SLC24A4: variants seen among roughly 807,000 people sequenced by gnomAD.
SLC24A4 encodes solute carrier family 24 member 4, also known as sodium/potassium/calcium exchanger 4.
SLC24A4 carries 53 observed loss-of-function variants against 79.0 expected under a neutral mutation model. That is an observed-to-expected ratio of 0.67 (90% CI 0.54 to 0.84). The LOEUF (loss-of-function observed/expected upper bound fraction) is 0.84. Ranked by LOEUF, SLC24A4 falls within the 40% of genes least tolerant of loss-of-function variation. The pLI is 0.00. For synonymous variants in SLC24A4, 323 were observed against 323.8 expected, an observed-to-expected ratio of 1.00 and a Z score of 0.03; for missense variants, 731 against 822.0, an observed-to-expected ratio of 0.89 and a Z score of 1.35.
chr14:92,337,240 A>G (rs1366486887), intron 2 of SLC24A4, among the ~76,000 whole-genome samples: 1 of 152,182 alleles, frequency 6.6e-6, no homozygotes, highest in Non-Finnish European at 1.5e-5. Context: ...TGCTTGGCTC[A>G]GTATTAGCTC....
At position 92,447,436 on chromosome 14, in the gene SLC24A4, T is replaced by G. The variant is rs372081304; in HGVS notation, c.737+12T>G. The stretch of plus-strand genomic sequence containing the variant: ...ATTCTGATCATGAAGTAAGTGCCCT[T>G]TCTCCTCCCCGGGGCTGCCGACGCC... On this transcript the variant is annotated intron_variant, in intron 9 of 16. Coordinates refer to ENST00000532405, the MANE Select transcript of SLC24A4 (RefSeq NM_153646.4). 2.1e-5 allele frequency: 34 copies of G among 1,613,746 alleles called. No homozygotes were observed. The Admixed American group carries it at 2.7e-4, about 13-fold the overall frequency.
At chr14:92,366,565 T>C (rs1887849924) in intron 2 of SLC24A4, among the ~76,000 whole-genome samples, 2 of 152,194 alleles carry the variant, frequency 1.3e-5, no homozygotes, top group South Asian at 4.1e-4. Flanking sequence ...TGCCAGTTCA[T>C]TGCTGAGGGT....
intron 2 of SLC24A4, among the ~76,000 whole-genome samples, chr14:92,415,657 C>T (rs191133490): frequency 4.3e-4 from 66 of 152,192 alleles, no homozygotes; most frequent in African/African-American, 1.5e-3. Context: ...GGGGTTTCAC[C>T]ATATTGGCCA....
chr14:92,344,223 C>T (rs951737130), intron 2 of SLC24A4, among the ~76,000 whole-genome samples: 31 of 152,320 alleles, frequency 2.0e-4, no homozygotes, highest in East Asian at 1.4e-3. Context: ...CAGCTCTTGC[C>T]GTTTTCCTTT....
intron 2 of SLC24A4, among the ~76,000 whole-genome samples, chr14:92,386,399 A>G (rs993389158): frequency 1.3e-5 from 2 of 152,072 alleles, no homozygotes; most frequent in Non-Finnish European, 2.9e-5. Flanking sequence ...ACTTATTAGA[A>G]TGCACATAAA....
In SLC24A4 at chr14:92,449,308, AC is replaced by A; in HGVS notation, c.880+93del. 4 of 1,299,804 alleles carry A rather than the reference AC, an allele frequency of 3.1e-6. No individual in the cohort carries two copies. In the Admixed American group the frequency reaches 8.7e-5, roughly 28 times the overall value. The allele number at this position is 1,299,804 out of a possible 1,614,324, so 80.5% of individuals were successfully genotyped here. A position where few individuals can be genotyped will look rare whatever the true frequency, so the allele number is the denominator to read the frequency against. ...CACACACACACACACACACACACAC[AC>A]ACACACACACACACCCTCTCACAAT... On this transcript the variant is annotated intron_variant, in intron 10 of 16. Coordinates refer to ENST00000532405, the MANE Select transcript of SLC24A4 (RefSeq NM_153646.4).
At chr14:92,475,998 TG>T (rs1209152797) in intron 12 of SLC24A4, among the ~76,000 whole-genome samples, 1 of 152,002 alleles carries the variant, frequency 6.6e-6, no homozygotes, top group African/African-American at 2.4e-5. Flanking sequence ...GCCACGTGGG[TG>T]GGGCCAGATG....
At chr14:92,349,267 A>G (rs1427540005) in intron 2 of SLC24A4, among the ~76,000 whole-genome samples, 1 of 151,676 alleles carries the variant, frequency 6.6e-6, no homozygotes, top group African/African-American at 2.4e-5. Flanking sequence ...TCAAGCAATT[A>G]CCCTGCCTCA....
intron 13 of SLC24A4, among the ~76,000 whole-genome samples, chr14:92,483,389 G>T (rs1349802777): frequency 6.6e-6 from 1 of 152,184 alleles, no homozygotes; most frequent in African/African-American, 2.4e-5. Context: ...GGAAATCGAG[G>T]CATAGAGAAA....
chr14:92,364,492 G>A (rs555655685), intron 2 of SLC24A4, among the ~76,000 whole-genome samples: 8 of 152,330 alleles, frequency 5.3e-5, no homozygotes, highest in East Asian at 3.9e-4. Flanking sequence ...TGAAACAGGT[G>A]TATTCACAGT....
At chr14:92,470,125 C>T (rs1332453758) in intron 12 of SLC24A4, among the ~76,000 whole-genome samples, 1 of 152,140 alleles carries the variant, frequency 6.6e-6, no homozygotes, top group African/African-American at 2.4e-5. Flanking sequence ...AAGTGTGGTC[C>T]TAGGACTGTC....
intron 2 of SLC24A4, among the ~76,000 whole-genome samples, chr14:92,356,916 C>T (rs369002786): frequency 5.9e-5 from 9 of 152,334 alleles, no homozygotes; most frequent in African/African-American, 1.7e-4. Context: ...GTGCTTTAAA[C>T]GCTGAATGAA....
chr14:92,355,075 A>C (rs1887100283), intron 2 of SLC24A4, among the ~76,000 whole-genome samples: 3 of 152,212 alleles, frequency 2.0e-5, no homozygotes, highest in Admixed American at 2.0e-4. Context: ...CTCTATCTCA[A>C]CAAAACAAAA....
At chr14:92,349,870 G>A (rs1886772436) in intron 2 of SLC24A4, among the ~76,000 whole-genome samples, 1 of 152,206 alleles carries the variant, frequency 6.6e-6, no homozygotes, top group African/African-American at 2.4e-5. Flanking sequence ...CCTTTTTGAA[G>A]TATGGATAAA....
chr14:92,323,678 C>A lies in SLC24A4; in HGVS notation c.-153C>A. 1 of 956,392 alleles carries A rather than the reference C, an allele frequency of 1.0e-6. No homozygotes were observed. The highest frequency in any genetic ancestry group is 1.9e-5 in the South Asian group (1 of 51,580). 59.2% of individuals were successfully genotyped at this position (956,392 alleles called of 1,614,324 possible). On this transcript the variant is annotated 5_prime_UTR_variant, in exon 1 of 17. Coordinates refer to ENST00000532405, the MANE Select transcript of SLC24A4 (RefSeq NM_153646.4). This position sits in a 1 kb window ranked among gnomAD's most constrained non-coding sequence, Gnocchi z 4.9. ...CCTTCCCAAGGGGCTCCCCCGCCGA[C>A]CTCGCCCTCGGGCCATGAGGCTTTG...
chr14:92,377,446 CT>C (rs1566725296), intron 2 of SLC24A4, among the ~76,000 whole-genome samples: 1 of 152,154 alleles, frequency 6.6e-6, no homozygotes, highest in African/African-American at 2.4e-5. Flanking sequence ...TTTGCCCAAA[CT>C]AAGGAGATGA....
intron 13 of SLC24A4, chr14:92,484,935 T>G: frequency 2.1e-6 from 2 of 955,504 alleles, no homozygotes; most frequent in Non-Finnish European, 2.5e-6. Flanking sequence ...GCCCTTCTTG[T>G]GTCGAGTTAG....
rs537126952 is a variant in SLC24A4 at position 92,442,292 on chromosome 14, G to A, written c.478+119G>A. 46 of 743,672 alleles carry A rather than the reference G, an allele frequency of 6.2e-5. No homozygotes were observed. In the South Asian group the frequency reaches 7.4e-4, roughly 12 times the overall value. The allele number at this position is 743,672 out of a possible 1,614,324, so 46.1% of individuals were successfully genotyped here. A position where few individuals can be genotyped will look rare whatever the true frequency, so the allele number is the denominator to read the frequency against. On this transcript the variant is annotated intron_variant, in intron 5 of 16. Transcript: ENST00000532405. ...TTCTCATCTGTAAAATGGGAGAATTGGAGAGGCAGTAAGTAGACTGGTGGT... is the reference window on the plus strand; with the variant it reads ...TTCTCATCTGTAAAATGGGAGAATTAGAGAGGCAGTAAGTAGACTGGTGGT...
chr14:92,386,035 G>T (rs985951482), intron 2 of SLC24A4, among the ~76,000 whole-genome samples: 2 of 152,200 alleles, frequency 1.3e-5, no homozygotes, highest in Non-Finnish European at 2.9e-5. Context: ...CAGGGAGCTG[G>T]GTCCTGTCCC....
Sources: gnomAD v4.1 joint callset for allele counts (sites outside exome capture counted in the v4.1 genomes callset) on GRCh38, gnomAD v4.1.1 for gene constraint, Gnocchi (gnomAD v3.1) non-coding constraint, MANE v1.5 for transcripts, NCBI Gene and HGNC (gene_info 2026-07-23, HGNC 2026-07-21) for gene names.